The following MED1 variants were observed in gnomAD, a reference collection of about 807,000 sequenced individuals.
The protein encoded by MED1 is mediator of RNA polymerase II transcription subunit 1.
A neutral mutation model predicts 121.3 loss-of-function variants in MED1; 17 were observed. The ratio of observed to expected loss-of-function variants is 0.14; its 90% CI spans 0.10 to 0.21. The LOEUF (loss-of-function observed/expected upper bound fraction) is 0.21. Among genes scored for constraint, MED1 ranks in the 10% least tolerant of loss-of-function variants. MED1 has a pLI of 1.00. For missense variants in MED1, 1,558 were observed against 1,919.4 expected, an observed-to-expected ratio of 0.81 and a Z score of 3.52; for synonymous variants, 661 against 694.4, an observed-to-expected ratio of 0.95 and a Z score of 0.76.
rs145032668 is a variant in MED1, at chr17:39,410,201, C to T, written c.2020G>A (p.Gly674Ser). Reference sequence around the variant, plus strand: ...GAGCATATTTCCATGCGGGGTGAGCCGGAAGAGGAGTTCTGCCTTTCTAAA... The same window carrying T: ...GAGCATATTTCCATGCGGGGTGAGCTGGAAGAGGAGTTCTGCCTTTCTAAA... ...SPLERQNSSS[G>S]SPRMEICSGS... is the part of the protein sequence containing the mutation. Residue 674 changes from glycine to serine, a missense_variant, in exon 17 of 17, where the codon GGC becomes AGC. Around this residue, in one of 5 missense-constraint regions of MED1, gnomAD observed 793 missense variants for 898.2 expected, o/e 0.88. Coordinates refer to ENST00000300651, the MANE Select transcript of MED1 (RefSeq NM_004774.4). 4.5e-4 allele frequency: 719 copies of T among 1,613,882 alleles called. No individual in the cohort carries two copies. Among genetic ancestry groups the T allele is most frequent in the Non-Finnish European group, 5.3e-4 (631 of 1,180,002 alleles).
chr17:39,436,878 G>A (rs1439790058), intron 6 of MED1, among the ~76,000 whole-genome samples: 1 of 151,206 alleles, frequency 6.6e-6, no homozygotes, highest in Non-Finnish European at 1.5e-5. Flanking sequence ...AAGCCATCTT[G>A]TGCCTCAGCC....
intron 13 of MED1, among the ~76,000 whole-genome samples, chr17:39,420,696 G>A (rs2048454429): frequency 1.3e-5 from 2 of 151,318 alleles, no homozygotes; most frequent in Non-Finnish European, 2.9e-5. Flanking sequence ...GTACAATTGT[G>A]CAATCTTGGC....
At position 39,410,701 on chromosome 17, in the gene MED1, G is replaced by A. The variant is rs1567639556; in HGVS notation, c.1520C>T (p.Thr507Met). 1.9e-6 allele frequency: 3 copies of A among 1,610,384 alleles called. No individual in the cohort carries two copies. Among genetic ancestry groups the A allele is most frequent in the South Asian group, 1.1e-5 (1 of 90,882 alleles). ...AGCTTTCCTCCGAATAGCCCTCATC[G>A]TCACAGGGATGGACATACATCTGCA... ...VVQRCMSIPVTMRAIRRKAET... is the reference protein window; with the variant it reads ...VVQRCMSIPVMMRAIRRKAET... The change falls in exon 17 of 17, where the codon ACG (threonine) becomes ATG (methionine). Residue 507 changes from threonine (T) to methionine (M), a missense_variant. By Grantham distance (81) the Thr-to-Met change is moderately conservative. Around this residue, in one of 5 missense-constraint regions of MED1, gnomAD observed 50 missense variants for 134.5 expected, o/e 0.37. Transcript: ENST00000300651.
intron 5 of MED1, among the ~76,000 whole-genome samples, chr17:39,439,565 A>G (rs989324750): frequency 6.6e-6 from 1 of 152,220 alleles, no homozygotes; most frequent in African/African-American, 2.4e-5. Context: ...ATCTCTTTGA[A>G]GGTAGTAACC....
Position 39,423,235 on chromosome 17 carries a change from C to T in MED1, c.1095+92G>A, listed in dbSNP as rs1334433357. On this transcript the variant is annotated intron_variant, in intron 13 of 16. Coordinates refer to ENST00000300651, the MANE Select transcript of MED1 (RefSeq NM_004774.4). Reference sequence around the variant, plus strand: ...ACATGATCCAGCAGTCTTGAAGAAACTTATCTGACCTCAATAATGCTATAA... The same window carrying T: ...ACATGATCCAGCAGTCTTGAAGAAATTTATCTGACCTCAATAATGCTATAA... 12 of 933,974 alleles carry T rather than the reference C, an allele frequency of 1.3e-5. No homozygotes were observed. In the East Asian group the frequency reaches 2.9e-4, roughly 23 times the overall value. 57.9% of individuals were successfully genotyped at this position (933,974 alleles called of 1,614,324 possible). A position where few individuals can be genotyped will look rare whatever the true frequency, so the allele number is the denominator to read the frequency against.
chr17:39,427,956 C>T (rs2048530238), intron 9 of MED1, among the ~76,000 whole-genome samples, 166 bp from the exon 10 acceptor site: 2 of 152,176 alleles, frequency 1.3e-5, no homozygotes, highest in African/African-American at 2.4e-5. Flanking sequence ...GTGACTCACA[C>T]CTGTAATCCT....
At chr17:39,442,550 T>C (rs576103661) in intron 3 of MED1, among the ~76,000 whole-genome samples, 9 of 141,426 alleles carry the variant, frequency 6.4e-5, no homozygotes, top group African/African-American at 2.1e-4. Flanking sequence ...TGAGCCAAGA[T>C]TGTGCCACTG....
In MED1 at chr17:39,405,208, C is replaced by T; in HGVS notation, c.*2267G>A. The T allele has an allele frequency of 6.4e-7, 1 of 1,562,962 alleles. No individual in the cohort carries two copies. The highest frequency in any genetic ancestry group is 8.7e-7 in the Non-Finnish European group (1 of 1,152,924). ...AGGGTGAAGCAGTTTAGCCCCGGCTCCCTGTTAAGCAAGTTCAGATGCTGG... is the reference window on the plus strand; with the variant it reads ...AGGGTGAAGCAGTTTAGCCCCGGCTTCCTGTTAAGCAAGTTCAGATGCTGG... On this transcript the variant is annotated 3_prime_UTR_variant, in exon 17 of 17. Coordinates refer to ENST00000300651, the MANE Select transcript of MED1 (RefSeq NM_004774.4).
In MED1 at chr17:39,408,773, C is replaced by G. The variant is rs757504557; in HGVS notation, c.3448G>C (p.Gly1150Arg). The change falls in exon 17 of 17, where the codon GGG becomes CGG. Residue 1150 changes from glycine to arginine, a missense_variant. By Grantham distance (125) the Gly-to-Arg change is moderately radical (BLOSUM62 -2). Around this residue, in one of 5 missense-constraint regions of MED1, gnomAD observed 793 missense variants for 898.2 expected, o/e 0.88. Coordinates refer to ENST00000300651, the MANE Select transcript of MED1 (RefSeq NM_004774.4). This position sits in a 1 kb window ranked among gnomAD's most constrained non-coding sequence, Gnocchi z 4.7. ...ATGGGAGAGGAGCCTGGCTTCCCCC[C>G]AGACTGGGATGAATTTTTGGACTGG... ...SSQSKNSSQSGGKPGSSPITK... is the reference protein window; with the variant it reads ...SSQSKNSSQSRGKPGSSPITK... 3.7e-6 allele frequency: 6 copies of G among 1,614,132 alleles called. No individual in the cohort carries two copies. Among genetic ancestry groups the G allele is most frequent in the Non-Finnish European group, 5.1e-6 (6 of 1,180,000 alleles).
intron 14 of MED1, among the ~76,000 whole-genome samples, chr17:39,419,080 C>A (rs2048436788): frequency 6.7e-6 from 1 of 149,686 alleles, no homozygotes; most frequent in Admixed American, 6.7e-5. Context: ...CCACTGCACT[C>A]AGCCTGGTGT....
intron 6 of MED1, among the ~76,000 whole-genome samples, chr17:39,435,044 T>C (rs921406672): frequency 5.3e-5 from 8 of 152,126 alleles, no homozygotes; most frequent in African/African-American, 1.9e-4. Flanking sequence ...GGCGGGCACC[T>C]GTAGTCCCAG....
chr17:39,416,329 T>A (rs1447856137), intron 14 of MED1, among the ~76,000 whole-genome samples: 1 of 152,186 alleles, frequency 6.6e-6, no homozygotes, highest in African/African-American at 2.4e-5. Flanking sequence ...TTCTATCAAG[T>A]GTTTGCAGCT....
At position 39,451,223 on chromosome 17, in the gene MED1, A is replaced by C; in HGVS notation, c.-161T>G. Reference sequence around the variant, plus strand: ...TGAAGTCCCCGGCGGCAAGAAGAGAAGGGTGCTCGAGGCCGCCGCCATCTT... The same window carrying C: ...TGAAGTCCCCGGCGGCAAGAAGAGACGGGTGCTCGAGGCCGCCGCCATCTT... On this transcript the variant is annotated 5_prime_UTR_variant, in exon 1 of 17. Coordinates refer to ENST00000300651, the MANE Select transcript of MED1 (RefSeq NM_004774.4). 1 of 720,166 alleles carries C rather than the reference A, an allele frequency of 1.4e-6. No individual in the cohort carries two copies. Among genetic ancestry groups the C allele is most frequent in the Non-Finnish European group, 2.3e-6 (1 of 441,058 alleles). 44.6% of individuals were successfully genotyped at this position (720,166 alleles called of 1,614,324 possible).
At chr17:39,435,511 C>G (rs865779135) in intron 6 of MED1, among the ~76,000 whole-genome samples, 1 of 151,936 alleles carries the variant, frequency 6.6e-6, no homozygotes, top group Non-Finnish European at 1.5e-5. Context: ...CTCTGGAAAG[C>G]TAAACTGCCA....
At chr17:39,424,153 G>A (rs190903629) in intron 11 of MED1, among the ~76,000 whole-genome samples, 13 of 152,252 alleles carry the variant, frequency 8.5e-5, no homozygotes, top group African/African-American at 2.9e-4. Flanking sequence ...AAAGTGCTGG[G>A]ATTACAGGCG....
Position 39,408,055 on chromosome 17 carries a change from A to C in MED1, c.4166T>G (p.Val1389Gly), listed in dbSNP as rs765571452. 6.2e-7 allele frequency: 1 copy of C among 1,614,172 alleles called. No individual in the cohort carries two copies. The highest frequency in any genetic ancestry group is 8.5e-7 in the Non-Finnish European group (1 of 1,180,026). The change falls in exon 17 of 17, where the codon GTG (valine) becomes GGG (glycine). Residue 1389 changes from valine (V) to glycine (G), a missense_variant. Physicochemically the swap from Val to Gly is moderately radical, Grantham distance 109 (BLOSUM62 -3). This residue lies in a region of MED1 where 264 missense variants were observed against 326.1 expected (regional missense o/e 0.81). Transcript: ENST00000300651. The surrounding 1 kb of genome is among the most constrained non-coding windows in gnomAD (Gnocchi z 4.7). ...SESKNVGSTG[V>G]AKIIISKHDG... is the part of the protein sequence containing the mutation. ...ATGCTTACTGATGATAATTTTTGCC[A>C]CACCTGTGCTCCCCACATTTTTTGA...
chr17:39,417,291 C>CT (rs1395505358), intron 14 of MED1, among the ~76,000 whole-genome samples: 1 of 150,980 alleles, frequency 6.6e-6, no homozygotes, highest in East Asian at 1.9e-4. Context: ...GATCACACCA[C>CT]TGCACTCCAG....
chr17:39,432,117 C>A (rs2048570463), intron 7 of MED1, 101 bp from the exon 8 acceptor site: 1 of 759,206 alleles, frequency 1.3e-6, no homozygotes, highest in African/African-American at 1.8e-5. Flanking sequence ...CTGAGGCGGG[C>A]AGATCACCTG....
rs1393330926 is a variant in MED1 at position 39,404,738 on chromosome 17, C to T, written c.*2737G>A. 1.3e-5 allele frequency: 2 copies of T among 152,970 alleles called. No homozygotes were observed. Among genetic ancestry groups the T allele is most frequent in the African/African-American group, 2.4e-5 (1 of 41,418 alleles). 9.5% of individuals were successfully genotyped at this position (152,970 alleles called of 1,614,324 possible). A position where few individuals can be genotyped will look rare whatever the true frequency, so the allele number is the denominator to read the frequency against. On this transcript the variant is annotated 3_prime_UTR_variant, in exon 17 of 17. Coordinates refer to ENST00000300651, the MANE Select transcript of MED1 (RefSeq NM_004774.4). Reference sequence around the variant, plus strand: ...ATGACTCACTGGCTCCCTGAAAGGGCTTCTGAGAATTCATGATATTGCTGC... The same window carrying T: ...ATGACTCACTGGCTCCCTGAAAGGGTTTCTGAGAATTCATGATATTGCTGC...
Sources: gnomAD v4.1 joint callset for allele counts (sites outside exome capture counted in the v4.1 genomes callset) on GRCh38, gnomAD v4.1.1 for gene constraint, gnomAD v4.1.1 regional missense constraint, Gnocchi (gnomAD v3.1) non-coding constraint, MANE v1.5 for transcripts, NCBI Gene and HGNC (gene_info 2026-07-23, HGNC 2026-07-21) for gene names.